RBFOX1: variants seen among roughly 807,000 people sequenced by gnomAD.
RBFOX1 encodes the protein RNA binding protein fox-1 homolog 1.
In RBFOX1, 8 loss-of-function variants were observed where a neutral mutation model predicts 57.7. The ratio of observed to expected loss-of-function variants is 0.14; its 90% CI spans 0.08 to 0.25. The LOEUF is 0.25. RBFOX1 is among the 10% of genes least tolerant of loss of function. The probability of loss-of-function intolerance (pLI) is 1.00; values close to 1 mark genes in which losing one functional copy is unlikely to be tolerated. For synonymous variants in RBFOX1, 326 were observed against 222.4 expected (o/e 1.47, Z -4.15); for missense variants, 611 against 548.5 (o/e 1.11, Z -1.14).
chr16:7,061,685 T>C (rs982828570), intron 4 of RBFOX1, among the ~76,000 whole-genome samples: 1 of 152,196 alleles, frequency 6.6e-6, no homozygotes, highest in Non-Finnish European at 1.5e-5. Flanking sequence ...GAAAATCTAT[T>C]CCCATTTCTT....
chr16:7,701,007 C>T (rs1397912266), intron 14 of RBFOX1, among the ~76,000 whole-genome samples: 2 of 152,144 alleles, frequency 1.3e-5, no homozygotes, highest in South Asian at 2.1e-4. Context: ...AAAGCAAGTT[C>T]TGTGGCTTCT....
intron 1 of RBFOX1, among the ~76,000 whole-genome samples, chr16:6,197,784 C>G (rs1355708788): frequency 6.6e-6 from 1 of 152,026 alleles, no homozygotes. Flanking sequence ...TTCTGCTCCT[C>G]TCCCTCCTCC....
intron 4 of RBFOX1, among the ~76,000 whole-genome samples, chr16:7,084,388 A>G (rs913449489): frequency 3.3e-5 from 5 of 152,224 alleles, no homozygotes; most frequent in Non-Finnish European, 5.9e-5. Flanking sequence ...ATATTTGAAC[A>G]AATAATCTTG....
At chr16:6,911,480 C>G (rs752405850) in intron 3 of RBFOX1, among the ~76,000 whole-genome samples, 2 of 152,100 alleles carry the variant, frequency 1.3e-5, no homozygotes, top group African/African-American at 4.8e-5. Flanking sequence ...TCTGCCTTCA[C>G]CTGCATGTGT....
intron 4 of RBFOX1, among the ~76,000 whole-genome samples, chr16:7,087,505 C>T (rs2060171165): frequency 6.8e-6 from 1 of 146,352 alleles, no homozygotes; most frequent in African/African-American, 2.5e-5. Flanking sequence ...GTTACCTAAG[C>T]AGGCTTGACA....
intron 3 of RBFOX1, among the ~76,000 whole-genome samples, chr16:6,890,066 TC>T (rs1172291980): frequency 6.6e-6 from 1 of 152,228 alleles, no homozygotes; most frequent in African/African-American, 2.4e-5. Flanking sequence ...TTATAGATTT[TC>T]TTTTAAAGTA....
At chr16:6,935,372 A>C (rs1282066432) in intron 3 of RBFOX1, among the ~76,000 whole-genome samples, 1 of 152,208 alleles carries the variant, frequency 6.6e-6, no homozygotes, top group Admixed American at 6.5e-5. Context: ...ATAGAATAGA[A>C]TGTAGCAGAC....
chr16:7,668,610 G>T (rs773196087), intron 13 of RBFOX1, among the ~76,000 whole-genome samples: 49 of 152,166 alleles, frequency 3.2e-4, no homozygotes, highest in Non-Finnish European at 6.2e-4. Context: ...TCTGAGAATG[G>T]AGGGTAGGAA....
intron 1 of RBFOX1, among the ~76,000 whole-genome samples, chr16:6,170,319 C>T (rs2096950780): frequency 6.6e-6 from 1 of 152,080 alleles, no homozygotes; most frequent in Non-Finnish European, 1.5e-5. Context: ...CCTACGAGAC[C>T]CTGGTCTGTC....
intron 1 of RBFOX1, among the ~76,000 whole-genome samples, chr16:5,410,459 G>A (rs1432961038): frequency 1.3e-5 from 2 of 152,174 alleles, no homozygotes; most frequent in African/African-American, 2.4e-5. Context: ...AAACAGAATG[G>A]TACAAATAAG....
chr16:7,344,733 C>G (rs965338783), intron 4 of RBFOX1, among the ~76,000 whole-genome samples: 2 of 152,150 alleles, frequency 1.3e-5, no homozygotes, highest in Admixed American at 1.3e-4. Flanking sequence ...ACAATTTGCC[C>G]TCATTCTTAG....
intron 4 of RBFOX1, among the ~76,000 whole-genome samples, chr16:7,074,709 T>C (rs565586702): frequency 6.6e-6 from 1 of 152,322 alleles, no homozygotes; most frequent in African/African-American, 2.4e-5. Flanking sequence ...CATCAGCTTA[T>C]ACTCCAGAGA....
At chr16:6,392,926 CTGCCA>C (rs1567180877) in intron 2 of RBFOX1, among the ~76,000 whole-genome samples, 1 of 152,238 alleles carries the variant, frequency 6.6e-6, no homozygotes. Flanking sequence ...CCACCCTCTT[CTGCCA>C]TGAATGAACA....
intron 3 of RBFOX1, among the ~76,000 whole-genome samples, chr16:5,796,972 A>G (rs1308291746): frequency 1.3e-5 from 2 of 152,222 alleles, no homozygotes; most frequent in African/African-American, 4.8e-5. Flanking sequence ...TAGAGTTTAT[A>G]TTCCTGTGCA....
intron 1 of RBFOX1, among the ~76,000 whole-genome samples, chr16:6,152,177 C>T (rs540246705): frequency 6.6e-6 from 1 of 152,244 alleles, no homozygotes; most frequent in Non-Finnish European, 1.5e-5. Context: ...AAAATATATG[C>T]TGGCATAATA....
At chr16:6,852,070 C>T (rs1450792784) in intron 3 of RBFOX1, among the ~76,000 whole-genome samples, 1 of 151,938 alleles carries the variant, frequency 6.6e-6, no homozygotes, top group Admixed American at 6.6e-5. Flanking sequence ...AGACTACAGG[C>T]ACCTGCCACC....
At chr16:7,272,796 C>G (rs1001902535) in intron 4 of RBFOX1, among the ~76,000 whole-genome samples, 6 of 152,168 alleles carry the variant, frequency 3.9e-5, no homozygotes, top group East Asian at 1.9e-4. Flanking sequence ...TTTCACAGAA[C>G]CAGTGACTCT....
At chr16:5,899,085 C>A (rs1224004081) in intron 4 of RBFOX1, among the ~76,000 whole-genome samples, 1 of 148,218 alleles carries the variant, frequency 6.7e-6, no homozygotes, top group Non-Finnish European at 1.5e-5. Context: ...AGATCACAAG[C>A]CCTTCTCAGT....
intron 2 of RBFOX1, among the ~76,000 whole-genome samples, chr16:6,345,513 G>A (rs1475581094): frequency 1.3e-5 from 2 of 152,118 alleles, no homozygotes; most frequent in Admixed American, 6.5e-5. Context: ...CTGTTTTAGC[G>A]AGTCCTCTAT....
Sources: allele counts gnomAD v4.1 joint callset (sites outside exome capture counted in the v4.1 genomes callset), GRCh38; gene constraint gnomAD v4.1.1; transcripts MANE v1.5; gene names NCBI Gene and HGNC (gene_info 2026-07-23, HGNC 2026-07-21).